MSI2: variants seen among roughly 807,000 people sequenced by gnomAD.
The protein encoded by MSI2 is RNA-binding protein Musashi homolog 2.
Under a neutral mutation model 45.6 loss-of-function variants are expected in MSI2, and 17 were observed. The observed-to-expected ratio is 0.37, with a 90% CI of 0.26 to 0.56. The LOEUF is 0.56. MSI2 is among the 20% of genes least tolerant of loss of function. The pLI, the probability that MSI2 is intolerant of heterozygous loss-of-function variation, is 0.77. For synonymous variants in MSI2, 156 were observed against 158.2 expected, an observed-to-expected ratio of 0.99 and a Z score of 0.11; for missense variants, 293 against 444.2, an observed-to-expected ratio of 0.66 and a Z score of 3.06.
chr17:57,401,264 A>G (rs776660930), intron 5 of MSI2, 115 bp from the exon 6 acceptor site: 43 of 814,000 alleles, frequency 5.3e-5, no homozygotes, highest in Admixed American at 3.0e-4. Context: ...CAGCTTGAAT[A>G]TATCTAAAAT....
chr17:57,370,419 G>A (rs893048658), intron 5 of MSI2, among the ~76,000 whole-genome samples: 1 of 152,112 alleles, frequency 6.6e-6, no homozygotes, highest in African/African-American at 2.4e-5. Context: ...AGCAAGAAAG[G>A]GCCCTTTGGA....
intron 7 of MSI2, among the ~76,000 whole-genome samples, chr17:57,542,872 T>G (rs1347445022): frequency 1.3e-5 from 2 of 152,378 alleles, no homozygotes; most frequent in African/African-American, 4.8e-5. Flanking sequence ...ATCCGTCGTC[T>G]GTGCCCATGA....
chr17:57,608,493 T>A (rs1906888167), intron 8 of MSI2: 1 of 152,346 alleles, frequency 6.6e-6, no homozygotes, highest in Non-Finnish European at 1.5e-5. Flanking sequence ...TTCCACCCCC[T>A]CTCCTTGTTA....
At chr17:57,271,918 A>C (rs983783789) in intron 5 of MSI2, among the ~76,000 whole-genome samples, 1 of 152,106 alleles carries the variant, frequency 6.6e-6, no homozygotes, top group Non-Finnish European at 1.5e-5. Context: ...AAAGCTTTTG[A>C]TAGTTTCCTA....
Position 57,464,897 on chromosome 17 carries a change from G to T in MSI2, c.405+63426G>T, listed in dbSNP as rs55857755. Among the ~76,000 whole-genome samples, 1,398 of 152,270 alleles carry T rather than the reference G, an allele frequency of 9.2e-3. 16 individuals carry two copies. The highest frequency in any genetic ancestry group is 0.017 in the Middle Eastern group (5 of 294). On this transcript the variant is annotated intron_variant, in intron 6 of 13. Coordinates refer to ENST00000284073, the MANE Select transcript of MSI2 (RefSeq NM_138962.4). ...CAGATATGACAGAGCCCCATGAGCGGTGCCCACCTGGCATGAGATACTGTC... is the reference window on the plus strand; with the variant it reads ...CAGATATGACAGAGCCCCATGAGCGTTGCCCACCTGGCATGAGATACTGTC...
intron 4 of MSI2, among the ~76,000 whole-genome samples, chr17:57,261,338 ACTT>A (rs1907285724): frequency 6.8e-6 from 1 of 147,768 alleles, no homozygotes; most frequent in South Asian, 2.1e-4. Context: ...GATTCTGACT[ACTT>A]CTTGTATTCA....
intron 6 of MSI2, among the ~76,000 whole-genome samples, chr17:57,488,887 G>A (rs1260018269): frequency 6.6e-6 from 1 of 152,062 alleles, no homozygotes; most frequent in East Asian, 1.9e-4. Flanking sequence ...GCGGTGTGCA[G>A]ACACGATAAG....
chr17:57,422,562 C>T (rs1490067178), intron 6 of MSI2, among the ~76,000 whole-genome samples: 3 of 152,226 alleles, frequency 2.0e-5, no homozygotes, highest in Non-Finnish European at 2.9e-5. Flanking sequence ...CAGGAAAGTA[C>T]ATGCCCAATG....
chr17:57,532,252 CAA>C, intron 7 of MSI2: 1 of 152,420 alleles, frequency 6.6e-6, no homozygotes, highest in Middle Eastern at 3.4e-3. Flanking sequence ...GCCTCCTATT[CAA>C]AGATGATTGA....
chr17:57,432,678 C>T (rs1367900721), intron 6 of MSI2: 3 of 152,728 alleles, frequency 2.0e-5, no homozygotes, highest in African/African-American at 4.8e-5. Context: ...CTCATCTCAC[C>T]TTCGCCCTCC....
chr17:57,596,767 G>C lies in MSI2; in HGVS notation c.455-101G>C. On this transcript the variant is annotated intron_variant, in intron 7 of 13. Coordinates refer to ENST00000284073, the MANE Select transcript of MSI2 (RefSeq NM_138962.4). The surrounding 1 kb of genome is among the most constrained non-coding windows in gnomAD (Gnocchi z 4.6). ...ATCCGCCTACCTACCCCCAGACCAG[G>C]AGGCTGTCAAGACCTCAGGACGTCA... 1.3e-6 allele frequency: 1 copy of C among 770,996 alleles called. No homozygotes were observed. The highest frequency in any genetic ancestry group is 2.3e-6 in the Non-Finnish European group (1 of 436,070). 47.8% of individuals were successfully genotyped at this position (770,996 alleles called of 1,614,324 possible).
At chr17:57,545,518 A>G (rs534592342) in intron 7 of MSI2, among the ~76,000 whole-genome samples, 6 of 151,744 alleles carry the variant, frequency 4.0e-5, no homozygotes, top group Admixed American at 3.9e-4. Flanking sequence ...CGACTGCCCA[A>G]AGATGGAAAC....
chr17:57,355,928 G>A (rs1409428860), intron 5 of MSI2, among the ~76,000 whole-genome samples: 1 of 152,202 alleles, frequency 6.6e-6, no homozygotes, highest in Non-Finnish European at 1.5e-5. Context: ...GCTAGAGTGC[G>A]ATGGCACAAT....
intron 8 of MSI2, among the ~76,000 whole-genome samples, chr17:57,614,601 C>T (rs982995538): frequency 2.6e-5 from 4 of 152,170 alleles, no homozygotes; most frequent in African/African-American, 7.2e-5. Context: ...CACTATCAGG[C>T]GGCCATGCTG....
intron 8 of MSI2, among the ~76,000 whole-genome samples, chr17:57,608,612 C>T (rs773473634): frequency 1.4e-4 from 22 of 152,264 alleles, no homozygotes; most frequent in Non-Finnish European, 2.9e-4. Flanking sequence ...AGGCCCCCCA[C>T]GCTGGTCTAA....
intron 6 of MSI2, among the ~76,000 whole-genome samples, chr17:57,495,080 A>T (rs2085949136): frequency 6.6e-6 from 1 of 152,026 alleles, no homozygotes; most frequent in Non-Finnish European, 1.5e-5. Context: ...GAGGGCTTGG[A>T]GGAGGTGAGG....
intron 6 of MSI2, among the ~76,000 whole-genome samples, chr17:57,457,989 A>G (rs1220694343): frequency 6.6e-6 from 1 of 152,130 alleles, no homozygotes; most frequent in Non-Finnish European, 1.5e-5. Flanking sequence ...TCAGATAGAT[A>G]TATTTTTATC....
chr17:57,616,303 G>A (rs1410646910), intron 9 of MSI2: 1 of 394,606 alleles, frequency 2.5e-6, no homozygotes, highest in African/African-American at 2.1e-5. Flanking sequence ...GTGTGTGTGT[G>A]TTTGTATTTA....
intron 10 of MSI2, among the ~76,000 whole-genome samples, chr17:57,642,121 G>A (rs545971082): frequency 6.6e-6 from 1 of 152,300 alleles, no homozygotes; most frequent in South Asian, 2.1e-4. Flanking sequence ...CTGAAGTCAG[G>A]GATCTGTCCC....
Sources: allele counts gnomAD v4.1 joint callset (sites outside exome capture counted in the v4.1 genomes callset), GRCh38; gene constraint gnomAD v4.1.1; non-coding constraint Gnocchi (gnomAD v3.1); transcripts MANE v1.5; gene names NCBI Gene and HGNC (gene_info 2026-07-23, HGNC 2026-07-21).